Variants in ABCC5 observed in about 807,000 individuals in gnomAD.
The protein encoded by ABCC5 is ATP-binding cassette sub-family C member 5.
A neutral mutation model predicts 160.9 loss-of-function variants in ABCC5; 61 were observed. The observed-to-expected ratio is 0.38, with a 90% CI of 0.31 to 0.47. The LOEUF is 0.47. ABCC5 is among the 20% of genes least tolerant of loss of function. The pLI, the probability that ABCC5 is intolerant of heterozygous loss-of-function variation, is 0.99. For missense variants in ABCC5, 1,308 were observed against 1,813.3 expected, an observed-to-expected ratio of 0.72 and a Z score of 5.06; for synonymous variants, 666 against 700.6, an observed-to-expected ratio of 0.95 and a Z score of 0.78.
chr3:183,923,250 C>T (rs1712182170), intron 29 of ABCC5, among the ~76,000 whole-genome samples: 1 of 151,892 alleles, frequency 6.6e-6, no homozygotes. Context: ...TAGAGTCCCT[C>T]ATAAAGAGTG....
At chr3:183,927,775 A>T in intron 27 of ABCC5, 1 of 985,488 alleles carries the variant, frequency 1.0e-6, no homozygotes, top group Non-Finnish European at 1.2e-6. Context: ...TAGTATAGTA[A>T]GGAAAAGTAC....
intron 10 of ABCC5, among the ~76,000 whole-genome samples, chr3:183,974,460 C>T (rs2108840772): frequency 6.6e-6 from 1 of 152,178 alleles, no homozygotes; most frequent in Admixed American, 6.5e-5. Context: ...AGGTGCCCAC[C>T]ACCACACCCA....
chr3:183,931,721 A>G lies in ABCC5; in HGVS notation c.3855-2896T>C, dbSNP rs151093659. On this transcript the variant is annotated intron_variant, in intron 26 of 29. Transcript: ENST00000334444. ...ACAATGGGTTCCAGATAGAAAATGA[A>G]TATTTGCATACACTCGTAGGTGGTA... Among the ~76,000 whole-genome samples, 4 of 152,350 alleles carry G rather than the reference A, an allele frequency of 2.6e-5. No individual in the cohort carries two copies. The East Asian group carries it at 7.7e-4, about 29-fold the overall frequency.
chr3:183,998,312 T>C (rs934688149), intron 2 of ABCC5, among the ~76,000 whole-genome samples: 5 of 152,316 alleles, frequency 3.3e-5, no homozygotes, highest in Middle Eastern at 3.4e-3. Context: ...ACTTCTATTT[T>C]GTGGACCTCA....
chr3:183,978,370 C>T (rs1380602173), intron 9 of ABCC5, 133 bp downstream of exon 9: 4 of 1,014,444 alleles, frequency 3.9e-6, no homozygotes, highest in African/African-American at 1.6e-5. Flanking sequence ...GCTCTGTCCC[C>T]CAGGCTGGAG....
At chr3:183,925,449 T>G in intron 29 of ABCC5, 106 bp downstream of exon 29, 1 of 1,196,996 alleles carries the variant, frequency 8.4e-7, no homozygotes, top group East Asian at 2.5e-5. Flanking sequence ...CTGCAAGTGC[T>G]TATCTGAATG....
intron 2 of ABCC5, among the ~76,000 whole-genome samples, chr3:184,000,098 C>A (rs368790078): frequency 5.9e-5 from 9 of 152,100 alleles, no homozygotes; most frequent in Admixed American, 2.6e-4. Context: ...GCGGCTCACA[C>A]CTACAATCCC....
chr3:183,938,658 T>C (rs189206179), intron 25 of ABCC5, among the ~76,000 whole-genome samples: 12 of 152,128 alleles, frequency 7.9e-5, no homozygotes, highest in African/African-American at 2.6e-4. Flanking sequence ...TAGGAACAGG[T>C]GCACAGAGCT....
At chr3:183,965,162 G>A (rs764211721) in intron 14 of ABCC5, 23 bp downstream of exon 14, 36 of 1,612,864 alleles carry the variant, frequency 2.2e-5, no homozygotes, top group African/African-American at 5.3e-5. Context: ...CTAAATGCCT[G>A]GTCAGGGGCG....
At chr3:183,924,673 T>A (rs1712348082) in intron 29 of ABCC5, among the ~76,000 whole-genome samples, 2 of 152,212 alleles carry the variant, frequency 1.3e-5, no homozygotes, top group Non-Finnish European at 2.9e-5. Flanking sequence ...TAAGCACTGC[T>A]GGGGCCCTAA....
intron 15 of ABCC5, among the ~76,000 whole-genome samples, chr3:183,962,313 T>C (rs547953001): frequency 5.2e-4 from 79 of 152,270 alleles, no homozygotes; most frequent in Middle Eastern, 3.4e-3. Context: ...AGAATGGTTG[T>C]GTGGAAACCA....
At position 183,989,258 on chromosome 3, in the gene ABCC5, C is replaced by T; in HGVS notation, c.255G>A (p.Leu85=). ...TAGTCCGGATGGGCTTCAGAGCACT[C>T]AAGCCATGATGGTACTTTCCCTTGG... The part of the protein sequence containing the change: ...EHPKGKYHHG[L]SALKPIRTTS... The change falls in exon 3 of 30, where the codon TTG becomes TTA. Residue 85 remains leucine, a synonymous_variant. Transcript: ENST00000334444. The T allele has an allele frequency of 6.2e-7, 1 of 1,606,538 alleles. No individual in the cohort carries two copies.
chr3:183,997,508 T>C (rs963149256), intron 2 of ABCC5, among the ~76,000 whole-genome samples: 21 of 152,146 alleles, frequency 1.4e-4, no homozygotes, highest in African/African-American at 4.8e-4. Context: ...TCGGGGAACT[T>C]ACTTCCTTCC....
At chr3:184,016,596 T>C (rs1254830269) in intron 1 of ABCC5, among the ~76,000 whole-genome samples, 2 of 152,206 alleles carry the variant, frequency 1.3e-5, no homozygotes, top group African/African-American at 2.4e-5. Flanking sequence ...CGTGTCCTCC[T>C]TTAAAGTTGT....
chr3:183,947,590 G>A, intron 22 of ABCC5, 80 bp from the exon 23 acceptor site: 1 of 1,144,218 alleles, frequency 8.7e-7, no homozygotes, highest in Non-Finnish European at 1.2e-6. Context: ...CGAATCAGAT[G>A]ATGGAGGGCA....
At chr3:183,998,476 A>G (rs1168098130) in intron 2 of ABCC5, among the ~76,000 whole-genome samples, 1 of 152,198 alleles carries the variant, frequency 6.6e-6, no homozygotes, top group African/African-American at 2.4e-5. Context: ...CCAACATAGC[A>G]TGTACTATGT....
rs755476637 is a variant in ABCC5, at chr3:183,947,399, C to T, written c.3339G>A (p.Thr1113=). 1.2e-4 allele frequency: 188 copies of T among 1,613,676 alleles called. No individual in the cohort carries two copies. Among genetic ancestry groups the T allele is most frequent in the Non-Finnish European group, 1.6e-4 (184 of 1,179,922 alleles). ...CGTGCATAAGAACGATCATCAGCCC[C>T]GTGGTGGTGATGAGGGCGATGCTGA... ...DLISIALITT[T]GLMIVLMHGQ... The change falls in exon 23 of 30, where the codon ACG becomes ACA. Residue 1113 remains threonine (T), a synonymous_variant. Transcript: ENST00000334444.
Position 183,988,421 on chromosome 3 carries a change from C to T in ABCC5, c.443+151G>A. ...ATCAAAGGTGAAATAGGAGATAAAG[C>T]AAAAGAGCAAAGAGAAAGTCATCCC... On this transcript the variant is annotated intron_variant, in intron 4 of 29. Coordinates refer to ENST00000334444, the MANE Select transcript of ABCC5 (RefSeq NM_005688.4). This position sits in a 1 kb window ranked among gnomAD's most constrained non-coding sequence, Gnocchi z 4.4. 1 of 888,300 alleles carries T rather than the reference C, an allele frequency of 1.1e-6. No homozygotes were observed. Among genetic ancestry groups the T allele is most frequent in the Non-Finnish European group, 1.7e-6 (1 of 599,164 alleles). The allele number at this position is 888,300 out of a possible 1,614,324, so 55.0% of individuals were successfully genotyped here.
intron 23 of ABCC5, among the ~76,000 whole-genome samples, chr3:183,946,480 T>C (rs1714860764): frequency 6.6e-6 from 1 of 152,204 alleles, no homozygotes; most frequent in South Asian, 2.1e-4. Flanking sequence ...GGGGTATCTG[T>C]GAAGACACAT....
Sources: gnomAD v4.1 joint callset for allele counts (sites outside exome capture counted in the v4.1 genomes callset) on GRCh38, gnomAD v4.1.1 for gene constraint, Gnocchi (gnomAD v3.1) non-coding constraint, MANE v1.5 for transcripts, NCBI Gene and HGNC (gene_info 2026-07-23, HGNC 2026-07-21) for gene names.